The following PTPRD variants were observed in gnomAD, a reference collection of about 807,000 sequenced individuals.
PTPRD encodes the protein protein tyrosine phosphatase receptor type D.
PTPRD carries 34 observed loss-of-function variants against 214.5 expected under a neutral mutation model. That is an observed-to-expected ratio of 0.16 (90% CI 0.12 to 0.21). The LOEUF is 0.21. Ranked by LOEUF, PTPRD falls within the 10% of genes least tolerant of loss-of-function variation. PTPRD has a pLI of 1.00. For missense variants in PTPRD, 2,545 were observed against 2,398.7 expected (o/e 1.06, Z -1.27); for synonymous variants, 1,128 against 845.7 (o/e 1.33, Z -5.79).
intron 7 of PTPRD, among the ~76,000 whole-genome samples, chr9:9,706,329 GATTT>G (rs1217274622): frequency 1.1e-4 from 16 of 152,106 alleles, no homozygotes; most frequent in African/African-American, 3.4e-4. Flanking sequence ...TACGTACATT[GATTT>G]ATTTCTCATG....
chr9:8,849,371 C>T (rs975117517), intron 11 of PTPRD, among the ~76,000 whole-genome samples: 8 of 151,916 alleles, frequency 5.3e-5, no homozygotes, highest in South Asian at 2.1e-4. Flanking sequence ...GGACTACAGG[C>T]GCCCACCACC....
intron 35 of PTPRD, among the ~76,000 whole-genome samples, chr9:8,408,942 A>G (rs2093290177): frequency 6.6e-6 from 1 of 152,184 alleles, no homozygotes; most frequent in Non-Finnish European, 1.5e-5. Flanking sequence ...AACACTTTGC[A>G]TTTATTTAGT....
At chr9:10,129,407 C>T (rs1189544639) in intron 3 of PTPRD, among the ~76,000 whole-genome samples, 1 of 151,916 alleles carries the variant, frequency 6.6e-6, no homozygotes, top group Non-Finnish European at 1.5e-5. Context: ...CACTGCTGTT[C>T]CTACTTGAAT....
chr9:10,390,053 T>C (rs565472941), intron 2 of PTPRD, among the ~76,000 whole-genome samples: 94 of 151,964 alleles, frequency 6.2e-4, no homozygotes, highest in Non-Finnish European at 1.0e-3. Context: ...TGGCTCACAA[T>C]TGCAATTAAT....
At chr9:9,629,191 AAAAATTAAAAAATG>A (rs1277261164) in intron 7 of PTPRD, among the ~76,000 whole-genome samples, 1 of 149,668 alleles carries the variant, frequency 6.7e-6, no homozygotes, top group Non-Finnish European at 1.5e-5. Flanking sequence ...ATAAATAAAT[AAAAATTAAAAAATG>A]AAAATTCTGG....
intron 11 of PTPRD, among the ~76,000 whole-genome samples, chr9:8,901,112 A>AAGGAAC (rs939843956): frequency 3.3e-5 from 5 of 152,164 alleles, no homozygotes; most frequent in African/African-American, 1.2e-4. Context: ...GGCAAAACAC[A>AAGGAAC]AGGAACAGAA....
At chr9:9,013,431 T>A (rs1168268422) in intron 11 of PTPRD, among the ~76,000 whole-genome samples, 1 of 152,152 alleles carries the variant, frequency 6.6e-6, no homozygotes, top group Non-Finnish European at 1.5e-5. Context: ...ACTTCAAATA[T>A]GGAAGGAACC....
At chr9:8,574,310 T>C (rs376993378) in intron 14 of PTPRD, among the ~76,000 whole-genome samples, 1 of 152,182 alleles carries the variant, frequency 6.6e-6, no homozygotes, top group Admixed American at 6.5e-5. Context: ...AATATTATTT[T>C]AATTTAAACT....
chr9:10,128,074 G>C (rs1409031035), intron 3 of PTPRD, among the ~76,000 whole-genome samples: 1 of 152,116 alleles, frequency 6.6e-6, no homozygotes, highest in Non-Finnish European at 1.5e-5. Context: ...GATGAAGTCA[G>C]ATCTCTTGTC....
At chr9:9,506,559 G>A (rs1342835618) in intron 8 of PTPRD, among the ~76,000 whole-genome samples, 1 of 151,288 alleles carries the variant, frequency 6.6e-6, no homozygotes, top group African/African-American at 2.4e-5. Context: ...ATGTCTAGAA[G>A]ATAACAGAAA....
chr9:10,611,582 C>T (rs1401054923), intron 2 of PTPRD, among the ~76,000 whole-genome samples: 2 of 152,138 alleles, frequency 1.3e-5, no homozygotes, highest in African/African-American at 2.4e-5. Context: ...CAGCTACTGA[C>T]ATGGTGATGT....
intron 5 of PTPRD, among the ~76,000 whole-genome samples, chr9:9,906,816 A>T (rs961109344): frequency 2.0e-5 from 3 of 151,964 alleles, no homozygotes; most frequent in Admixed American, 1.3e-4. Context: ...GCACATTCAT[A>T]AGATTATTCT....
chr9:9,794,177 G>GCA (rs2098986498), intron 5 of PTPRD, among the ~76,000 whole-genome samples: 1 of 146,952 alleles, frequency 6.8e-6, no homozygotes, highest in Admixed American at 6.8e-5. Context: ...ATATATACAT[G>GCA]TATATATACA....
intron 33 of PTPRD, among the ~76,000 whole-genome samples, chr9:8,450,909 T>C (rs1012111044): frequency 2.6e-5 from 4 of 152,206 alleles, no homozygotes; most frequent in African/African-American, 9.6e-5. Context: ...ATCTCACCCC[T>C]GCTCAAAGCA....
rs61227582 is a variant in PTPRD at position 8,950,706 on chromosome 9, CT to C, written c.-104+67990del. Among the ~76,000 whole-genome samples the C allele has an allele frequency of 1.0e-2, 1,432 of 143,366 alleles. 16 individuals carry two copies. The highest frequency in any genetic ancestry group is 0.028 in the African/African-American group (1,097 of 39,364). 94.1% of individuals were successfully genotyped at this position (143,366 alleles called of 152,430 possible). ...TATTAACACTTAGAATTATGTTTTT[CT>C]TTTTTTTTTTTTAAATAGAGCTTGA... On this transcript the variant is annotated intron_variant, in intron 11 of 45. Coordinates refer to ENST00000381196, the MANE Select transcript of PTPRD (RefSeq NM_002839.4).
chr9:10,162,111 G>T (rs997920628), intron 3 of PTPRD, among the ~76,000 whole-genome samples: 1 of 151,566 alleles, frequency 6.6e-6, no homozygotes, highest in Admixed American at 6.6e-5. Flanking sequence ...AATTAGTATA[G>T]CCACTGTGGA....
intron 5 of PTPRD, among the ~76,000 whole-genome samples, chr9:9,852,454 A>G (rs2060726555): frequency 6.6e-6 from 1 of 152,130 alleles, no homozygotes; most frequent in Non-Finnish European, 1.5e-5. Context: ...GAAAAAAAAG[A>G]ATAAAAGTCA....
chr9:9,627,345 C>T (rs1314557564), intron 7 of PTPRD, among the ~76,000 whole-genome samples: 3 of 152,148 alleles, frequency 2.0e-5, no homozygotes, highest in African/African-American at 7.2e-5. Context: ...ACAAAGTCCA[C>T]TGTAGATGCT....
chr9:8,742,265 CACA>C (rs1430330618), intron 11 of PTPRD, among the ~76,000 whole-genome samples: 3 of 152,002 alleles, frequency 2.0e-5, no homozygotes, highest in Non-Finnish European at 4.4e-5. Context: ...ATATATTATG[CACA>C]ACATGATGTT....
Sources: gnomAD v4.1 joint callset for allele counts (sites outside exome capture counted in the v4.1 genomes callset) on GRCh38, gnomAD v4.1.1 for gene constraint, MANE v1.5 for transcripts, NCBI Gene and HGNC (gene_info 2026-07-23, HGNC 2026-07-21) for gene names.